C3orf70: variants seen among roughly 807,000 people sequenced by gnomAD.
C3orf70 encodes chromosome 3 open reading frame 70, also known as UPF0524 protein C3orf70.
In C3orf70, 15 loss-of-function variants were observed where a neutral mutation model predicts 20.7. That is an observed-to-expected ratio of 0.72 (90% CI 0.48 to 1.11). C3orf70 has a LOEUF of 1.11. C3orf70 is among the 50% of genes most tolerant of loss of function. The probability of loss-of-function intolerance (pLI) is 0.00; values close to 1 mark genes in which losing one functional copy is unlikely to be tolerated. For synonymous variants in C3orf70, 161 were observed against 125.7 expected, an observed-to-expected ratio of 1.28 and a Z score of -1.88; for missense variants, 332 against 317.6, an observed-to-expected ratio of 1.05 and a Z score of -0.34.
chr3:185,116,010 C>T (rs1179115772), intron 1 of C3orf70, among the ~76,000 whole-genome samples: 1 of 152,174 alleles, frequency 6.6e-6, no homozygotes, highest in Non-Finnish European at 1.5e-5. Context: ...AACATTCAGT[C>T]CCTTGCAGAT....
intron 1 of C3orf70, among the ~76,000 whole-genome samples, chr3:185,117,478 G>A (rs922222067): frequency 6.7e-6 from 1 of 149,664 alleles, no homozygotes; most frequent in Non-Finnish European, 1.5e-5. Context: ...GAGAGAGAGA[G>A]AAAAGCCACT....
chr3:185,125,888 G>C (rs1253487514), intron 1 of C3orf70, among the ~76,000 whole-genome samples: 1 of 152,142 alleles, frequency 6.6e-6, no homozygotes, highest in Non-Finnish European at 1.5e-5. Flanking sequence ...CCAGGGATGG[G>C]GGTGAGATGG....
At chr3:185,104,039 AAG>A (rs1234837093) in intron 1 of C3orf70, among the ~76,000 whole-genome samples, 2 of 152,234 alleles carry the variant, frequency 1.3e-5, no homozygotes, top group African/African-American at 4.8e-5. Context: ...CTTTTCAGAT[AAG>A]AGAAGTTACT....
rs530357701 is a variant in C3orf70 at position 185,079,732 on chromosome 3, C to T, written c.*3275G>A. Reference sequence around the variant, plus strand: ...CAACTTTCCAAAAGTAGGAGTGGTACCAGGTTTCCATGTAAACCCAAGAAA... The same window carrying T: ...CAACTTTCCAAAAGTAGGAGTGGTATCAGGTTTCCATGTAAACCCAAGAAA... On this transcript the variant is annotated 3_prime_UTR_variant, in exon 2 of 2. Coordinates refer to ENST00000335012, the MANE Select transcript of C3orf70 (RefSeq NM_001025266.3). 2 of 152,554 alleles carry T rather than the reference C, an allele frequency of 1.3e-5. No individual in the cohort carries two copies. The highest frequency in any genetic ancestry group is 2.9e-5 in the Non-Finnish European group (2 of 68,036). The allele number at this position is 152,554 out of a possible 1,614,324, so 9.5% of individuals were successfully genotyped here.
rs572876219 is a variant in C3orf70, at chr3:185,076,845, CTAAAT to C, written c.*6157_*6161del. On this transcript the variant is annotated 3_prime_UTR_variant, in exon 2 of 2. Coordinates refer to ENST00000335012, the MANE Select transcript of C3orf70 (RefSeq NM_001025266.3). ...ACTGAATTGTAATGAGGATGAGATGCTAAATTAAAGTTTATTGCAGAATAAAAGTG... is the reference window on the plus strand; with the variant it reads ...ACTGAATTGTAATGAGGATGAGATGCTAAAGTTTATTGCAGAATAAAAGTG... Among the ~76,000 whole-genome samples the C allele has an allele frequency of 3.5e-4, 54 of 152,248 alleles. No individual in the cohort carries two copies. Among genetic ancestry groups the C allele is most frequent in the Non-Finnish European group, 5.6e-4 (38 of 68,020 alleles).
intron 1 of C3orf70, among the ~76,000 whole-genome samples, chr3:185,141,055 G>A (rs1716741405): frequency 6.6e-6 from 1 of 151,854 alleles, no homozygotes; most frequent in South Asian, 2.1e-4. Context: ...TGAGAAATCA[G>A]CAATCTAAAA....
intron 1 of C3orf70, among the ~76,000 whole-genome samples, chr3:185,097,971 C>T (rs1304001933): frequency 6.6e-6 from 1 of 152,100 alleles, no homozygotes; most frequent in Non-Finnish European, 1.5e-5. Context: ...GGTAATATGA[C>T]AATGTAGGTT....
chr3:185,086,605 T>A (rs1445998330), intron 1 of C3orf70, among the ~76,000 whole-genome samples: 1 of 152,198 alleles, frequency 6.6e-6, no homozygotes, highest in Non-Finnish European at 1.5e-5. Flanking sequence ...AAATACACGT[T>A]TGTTGTTTAA....
At chr3:185,105,359 A>G (rs1019053340) in intron 1 of C3orf70, among the ~76,000 whole-genome samples, 3 of 152,258 alleles carry the variant, frequency 2.0e-5, no homozygotes, top group African/African-American at 7.2e-5. Context: ...CACCTGGCCC[A>G]CTCAGGGTGG....
At chr3:185,092,587 C>T (rs770814788) in intron 1 of C3orf70, among the ~76,000 whole-genome samples, 1 of 152,186 alleles carries the variant, frequency 6.6e-6, no homozygotes, top group African/African-American at 2.4e-5. Flanking sequence ...ATGGAGCTTA[C>T]ACTCTAGGAC....
intron 1 of C3orf70, among the ~76,000 whole-genome samples, chr3:185,148,502 C>T (rs1716920662): frequency 6.6e-6 from 1 of 152,216 alleles, no homozygotes; most frequent in African/African-American, 2.4e-5. Flanking sequence ...ACACTCTTAT[C>T]TCCACCTCCA....
intron 1 of C3orf70, among the ~76,000 whole-genome samples, chr3:185,152,134 G>T (rs1716999314): frequency 6.6e-6 from 1 of 152,078 alleles, no homozygotes; most frequent in Admixed American, 6.5e-5. Flanking sequence ...CAATCAAGGG[G>T]GAAACAATTG....
chr3:185,101,161 G>T (rs1715814409), intron 1 of C3orf70, among the ~76,000 whole-genome samples: 1 of 152,068 alleles, frequency 6.6e-6, no homozygotes, highest in East Asian at 1.9e-4. Flanking sequence ...AAGGAAGAAG[G>T]ACTCCTCCCT....
At chr3:185,112,064 G>A (rs1162503715) in intron 1 of C3orf70, among the ~76,000 whole-genome samples, 1 of 152,154 alleles carries the variant, frequency 6.6e-6, no homozygotes, top group African/African-American at 2.4e-5. Flanking sequence ...GCTGAGGCAG[G>A]TGGATCACCG....
At chr3:185,100,897 T>C (rs1215653159) in intron 1 of C3orf70, among the ~76,000 whole-genome samples, 3 of 152,002 alleles carry the variant, frequency 2.0e-5, no homozygotes, top group African/African-American at 7.3e-5. Context: ...CATCAGAGAA[T>C]ATTATGAACA....
intron 1 of C3orf70, among the ~76,000 whole-genome samples, chr3:185,149,529 T>C (rs1332369399): frequency 1.3e-5 from 2 of 152,264 alleles, no homozygotes; most frequent in East Asian, 3.9e-4. Context: ...TCCAAAATAA[T>C]GTCTCATAAA....
intron 1 of C3orf70, among the ~76,000 whole-genome samples, chr3:185,118,574 C>G (rs1323737392): frequency 6.6e-6 from 1 of 152,144 alleles, no homozygotes; most frequent in East Asian, 1.9e-4. Context: ...CACAGCCTCA[C>G]TACTTTATAG....
At chr3:185,104,851 A>G (rs559811085) in intron 1 of C3orf70, among the ~76,000 whole-genome samples, 55 of 152,324 alleles carry the variant, frequency 3.6e-4, no homozygotes, top group Non-Finnish European at 7.1e-4. Flanking sequence ...GGATCATGAA[A>G]AATAACTAAT....
At chr3:185,135,508 G>A (rs1716606325) in intron 1 of C3orf70, among the ~76,000 whole-genome samples, 1 of 152,192 alleles carries the variant, frequency 6.6e-6, no homozygotes, top group African/African-American at 2.4e-5. Flanking sequence ...GATGTGGGGA[G>A]GGGATGAATA....
Sources: gnomAD v4.1 joint callset for allele counts (sites outside exome capture counted in the v4.1 genomes callset) on GRCh38, gnomAD v4.1.1 for gene constraint, MANE v1.5 for transcripts, NCBI Gene and HGNC (gene_info 2026-07-23, HGNC 2026-07-21) for gene names.